The following FHDC1 variants were observed in gnomAD, a reference collection of about 807,000 sequenced individuals.
The protein encoded by FHDC1 is FH2 domain-containing protein 1.
In FHDC1, 25 loss-of-function variants were observed where a neutral mutation model predicts 52.6. The observed-to-expected ratio is 0.48, with a 90% CI of 0.35 to 0.66. The LOEUF is 0.66. FHDC1 is among the 30% of genes least tolerant of loss of function. The pLI is 0.01. For missense variants in FHDC1, 1,459 were observed against 1,452.8 expected (o/e 1.00, Z -0.07); for synonymous variants, 616 against 581.5 (o/e 1.06, Z -0.85).
In FHDC1 at chr4:152,974,950, C is replaced by G. The variant is rs1481047456; in HGVS notation, c.1659C>G (p.Thr553=). 1 of 1,612,558 alleles carries G rather than the reference C, an allele frequency of 6.2e-7. No individual in the cohort carries two copies. Among genetic ancestry groups the G allele is most frequent in the South Asian group, 1.1e-5 (1 of 91,060 alleles). The change falls in exon 12 of 12, where the codon ACC becomes ACG. Residue 553 remains threonine (T), a synonymous_variant. Transcript: ENST00000511601. ...LGPSADRELL[T]FLESSTGSPE... ...CCTCTGCTGACCGGGAGCTGCTGAC[C>G]TTCTTGGAGAGCTCCACCGGCAGCC...
intron 4 of FHDC1, 82 bp from the exon 5 acceptor site, chr4:152,960,483 G>A: frequency 8.5e-7 from 1 of 1,183,104 alleles, no homozygotes; most frequent in Non-Finnish European, 1.2e-6. Flanking sequence ...TTTTTTAGAA[G>A]AATTGGAAGA....
At chr4:152,953,763 A>G (rs1490034945) in intron 3 of FHDC1, among the ~76,000 whole-genome samples, 3 of 152,212 alleles carry the variant, frequency 2.0e-5, no homozygotes, top group African/African-American at 7.2e-5. Context: ...GTATATGGAG[A>G]ATTGCCCCAG....
At position 152,976,568 on chromosome 4, in the gene FHDC1, C is replaced by T. The variant is rs768321683; in HGVS notation, c.3277C>T (p.Arg1093Trp). 9 of 1,612,582 alleles carry T rather than the reference C, an allele frequency of 5.6e-6. No individual in the cohort carries two copies. Among genetic ancestry groups the T allele is most frequent in the Admixed American group, 1.7e-5 (1 of 59,978 alleles). The change falls in exon 12 of 12, where the codon CGG becomes TGG. Residue 1093 changes from arginine to tryptophan, a missense_variant. This residue lies in a region of FHDC1 where 939 missense variants were observed against 854.5 expected (regional missense o/e 1.10). Coordinates refer to ENST00000511601, the MANE Select transcript of FHDC1 (RefSeq NM_001371116.1). The part of the protein sequence containing the change: ...SSTLRRASSA[R>W]APKKRPESAE... Reference sequence around the variant, plus strand: ...CACTTTGAGGCGAGCCAGCAGTGCCCGGGCCCCCAAGAAGCGCCCAGAGTC... The same window carrying T: ...CACTTTGAGGCGAGCCAGCAGTGCCTGGGCCCCCAAGAAGCGCCCAGAGTC...
At chr4:152,957,206 T>C (rs1310995302) in intron 4 of FHDC1, among the ~76,000 whole-genome samples, 1 of 152,202 alleles carries the variant, frequency 6.6e-6, no homozygotes, top group Non-Finnish European at 1.5e-5. Context: ...TGTGTAACGC[T>C]CTGTGCTCAT....
At chr4:152,974,604 G>A (rs569334097) in intron 11 of FHDC1, 71 bp from the exon 12 acceptor site, 121 of 1,481,588 alleles carry the variant, frequency 8.2e-5, no homozygotes, top group African/African-American at 2.8e-5. Flanking sequence ...GGCTCTTAGC[G>A]TAGGTGGCTC....
rs150460301 is a variant in FHDC1 at position 152,954,224 on chromosome 4, C to T, written c.568C>T (p.Arg190Trp). 11 of 1,613,260 alleles carry T rather than the reference C, an allele frequency of 6.8e-6. No homozygotes were observed. The highest frequency in any genetic ancestry group is 1.7e-4 in the Middle Eastern group (1 of 6,056). Residue 190 changes from arginine (R) to tryptophan (W), a missense_variant, in exon 4 of 12, where the codon CGG becomes TGG. By Grantham distance (101) the Arg-to-Trp change is moderately radical. Around this residue, in one of 3 missense-constraint regions of FHDC1, gnomAD observed 513 missense variants for 581.5 expected, o/e 0.88. Coordinates refer to ENST00000511601, the MANE Select transcript of FHDC1 (RefSeq NM_001371116.1). ...ATTCATTGTCTTTTCAAGGTCTCCT[C>T]GGTCCATTGTAGAAGATATTCATCA... is the stretch of plus-strand genomic sequence containing the variant. ...IFLKQFKKSP[R>W]SIVEDIHQGK...
Position 152,936,356 on chromosome 4 carries a change from C to A in FHDC1, c.-184C>A, listed in dbSNP as rs1257554291. On this transcript the variant is annotated 5_prime_UTR_variant, in exon 1 of 12. Coordinates refer to ENST00000511601, the MANE Select transcript of FHDC1 (RefSeq NM_001371116.1). Reference sequence around the variant, plus strand: ...GGAGGAGGCGGCTACGCCGACACAACGGCGGGAGGCTGCAGCGGTCTGCGC... The same window carrying A: ...GGAGGAGGCGGCTACGCCGACACAAAGGCGGGAGGCTGCAGCGGTCTGCGC... The A allele has an allele frequency of 3.3e-5, 5 of 152,374 alleles. No homozygotes were observed. The highest frequency in any genetic ancestry group is 4.8e-5 in the African/African-American group (2 of 41,548). The allele number at this position is 152,374 out of a possible 1,614,324, so 9.4% of individuals were successfully genotyped here. A position where few individuals can be genotyped will look rare whatever the true frequency, so the allele number is the denominator to read the frequency against.
the FHDC1 span, among the ~76,000 whole-genome samples, chr4:152,923,696 A>G: frequency 6.6e-6 from 1 of 152,194 alleles, no homozygotes; most frequent in Non-Finnish European, 1.5e-5. Flanking sequence ...CCTCAGAAAT[A>G]ACGCCGCATA....
intron 4 of FHDC1, among the ~76,000 whole-genome samples, chr4:152,958,770 A>G (rs1311507050): frequency 6.6e-6 from 1 of 152,188 alleles, no homozygotes; most frequent in East Asian, 1.9e-4. Flanking sequence ...TCAGCACAGA[A>G]GCCAGGGACT....
intron 4 of FHDC1, among the ~76,000 whole-genome samples, chr4:152,955,283 C>T (rs982823828): frequency 6.6e-6 from 1 of 151,974 alleles, no homozygotes; most frequent in African/African-American, 2.4e-5. Context: ...AATGAGTTAA[C>T]TGCATTGTTG....
chr4:152,969,108 A>G (rs1740558046), intron 10 of FHDC1, among the ~76,000 whole-genome samples: 2 of 150,984 alleles, frequency 1.3e-5, no homozygotes, highest in Non-Finnish European at 2.9e-5. Flanking sequence ...AAAAGGCACC[A>G]TCTCATGCTT....
chr4:152,976,782 C>A lies in FHDC1; in HGVS notation c.*59C>A. On this transcript the variant is annotated 3_prime_UTR_variant, in exon 12 of 12. Coordinates refer to ENST00000511601, the MANE Select transcript of FHDC1 (RefSeq NM_001371116.1). Reference sequence around the variant, plus strand: ...AGACGGTGAAGACTGACTTCTGGGACGAGGATGGGGAAAGAGGCAGCATGT... The same window carrying A: ...AGACGGTGAAGACTGACTTCTGGGAAGAGGATGGGGAAAGAGGCAGCATGT... 6.9e-7 allele frequency: 1 copy of A among 1,440,488 alleles called. No homozygotes were observed. The highest frequency in any genetic ancestry group is 2.9e-5 in the Admixed American group (1 of 34,994). The allele number at this position is 1,440,488 out of a possible 1,614,324, so 89.2% of individuals were successfully genotyped here. A position where few individuals can be genotyped will look rare whatever the true frequency, so the allele number is the denominator to read the frequency against.
the FHDC1 span, among the ~76,000 whole-genome samples, chr4:152,916,062 G>GAC: frequency 1.3e-5 from 2 of 151,936 alleles, no homozygotes; most frequent in African/African-American, 4.8e-5. Flanking sequence ...TTACCAAGAA[G>GAC]AATCAATTGG....
At chr4:152,972,303 C>T (rs1198424984) in intron 10 of FHDC1, 74 bp from the exon 11 acceptor site, 27 of 1,443,616 alleles carry the variant, frequency 1.9e-5, no homozygotes, top group Non-Finnish European at 2.4e-5. Context: ...CTTCTCTGGG[C>T]ACCGGATGCA....
chr4:152,928,984 AAAG>A, the FHDC1 span, among the ~76,000 whole-genome samples: 3 of 151,618 alleles, frequency 2.0e-5, no homozygotes, highest in Admixed American at 6.6e-5. Flanking sequence ...AGAGAAAAAA[AAAG>A]AAAGTTTATT....
the FHDC1 span, among the ~76,000 whole-genome samples, chr4:152,925,010 TA>T: frequency 0.032 from 4,771 of 150,042 alleles, 93 homozygotes; most frequent in Middle Eastern, 0.048. Flanking sequence ...TAAAGTATAA[TA>T]AAAAAAAAGA....
At chr4:152,922,493 C>T in the FHDC1 span, among the ~76,000 whole-genome samples, 2 of 151,610 alleles carry the variant, frequency 1.3e-5, no homozygotes, top group African/African-American at 2.4e-5. Flanking sequence ...GGGAATCCTC[C>T]CTAACTCATT....
Position 152,975,773 on chromosome 4 carries a change from C to G in FHDC1, c.2482C>G (p.Pro828Ala). Residue 828 changes from proline to alanine, a missense_variant, in exon 12 of 12, where the codon CCC (proline) becomes GCC (alanine). Around this residue, in one of 3 missense-constraint regions of FHDC1, gnomAD observed 939 missense variants for 854.5 expected, o/e 1.10. Coordinates refer to ENST00000511601, the MANE Select transcript of FHDC1 (RefSeq NM_001371116.1). ...SQVSSNPTSS[P>A]PGEAPAPVSV... ...AGTCTCCTCCAACCCTACATCCAGCCCCCCTGGGGAGGCTCCTGCCCCCGT... is the reference window on the plus strand; with the variant it reads ...AGTCTCCTCCAACCCTACATCCAGCGCCCCTGGGGAGGCTCCTGCCCCCGT... 1 of 1,555,704 alleles carries G rather than the reference C, an allele frequency of 6.4e-7. No individual in the cohort carries two copies. Among genetic ancestry groups the G allele is most frequent in the Admixed American group, 1.9e-5 (1 of 53,656 alleles).
At position 152,976,709 on chromosome 4, in the gene FHDC1, C is replaced by T. The variant is rs1014888285; in HGVS notation, c.3418C>T (p.Pro1140Ser). 6.7e-7 allele frequency: 1 copy of T among 1,485,516 alleles called. No homozygotes were observed. Among genetic ancestry groups the T allele is most frequent in the Non-Finnish European group, 9.0e-7 (1 of 1,115,614 alleles). 92.0% of individuals were successfully genotyped at this position (1,485,516 alleles called of 1,614,324 possible). A position where few individuals can be genotyped will look rare whatever the true frequency, so the allele number is the denominator to read the frequency against. The change falls in exon 12 of 12, where the codon CCC becomes TCC. Residue 1140 changes from proline to serine, a missense_variant. This residue lies in a region of FHDC1 where 939 missense variants were observed against 854.5 expected (regional missense o/e 1.10). Coordinates refer to ENST00000511601, the MANE Select transcript of FHDC1 (RefSeq NM_001371116.1). ...GACCACGCTGGGGAGAATCCTCAAT[C>T]CCTTACGGAAGTGATGGGTGCCTGT... ...SRTTLGRILN[P>S]LRK
Sources: allele counts gnomAD v4.1 joint callset (sites outside exome capture counted in the v4.1 genomes callset), GRCh38; gene constraint gnomAD v4.1.1; regional missense constraint gnomAD v4.1.1; transcripts MANE v1.5; gene names NCBI Gene and HGNC (gene_info 2026-07-23, HGNC 2026-07-21).